The following SH2B3 variants were observed in gnomAD, a reference collection of about 807,000 sequenced individuals.
The protein encoded by SH2B3 is SH2B adaptor protein 3.
Under a neutral mutation model 51.9 loss-of-function variants are expected in SH2B3, and 43 were observed. The ratio of observed to expected loss-of-function variants is 0.83; its 90% CI spans 0.65 to 1.07. SH2B3 has a LOEUF of 1.07. Among genes scored for constraint, SH2B3 ranks in the 50% least tolerant of loss-of-function variants. The pLI is 0.00. For missense variants in SH2B3, 952 were observed against 834.3 expected (o/e 1.14, Z -1.74); for synonymous variants, 396 against 376.0 (o/e 1.05, Z -0.62).
chr12:111,441,462 C>G (rs1306391862), intron 2 of SH2B3, among the ~76,000 whole-genome samples: 1 of 152,030 alleles, frequency 6.6e-6, no homozygotes, highest in African/African-American at 2.4e-5. Context: ...ACTAAGTGTC[C>G]CAAACCTCAG....
At chr12:111,440,910 CCT>C (rs1873346371) in intron 2 of SH2B3, among the ~76,000 whole-genome samples, 3 of 152,182 alleles carry the variant, frequency 2.0e-5, no homozygotes, top group African/African-American at 7.2e-5. Flanking sequence ...TTACCATTCC[CCT>C]GAGATCCTTC....
rs1417198181 is a variant in SH2B3 at position 111,407,579 on chromosome 12, C to A, written c.-28+1302C>A. On this transcript the variant is annotated intron_variant, in intron 1 of 7. Transcript: ENST00000341259. The surrounding 1 kb of genome is among the most constrained non-coding windows in gnomAD (Gnocchi z 4.3). The stretch of plus-strand genomic sequence containing the variant: ...GGAGAGCCGTCAGAGGCCACCTGGG[C>A]AGGCTGGGCTCGGAGGATGAGAGCC... Among the ~76,000 whole-genome samples, 1 of 152,218 alleles carries A rather than the reference C, an allele frequency of 6.6e-6. No homozygotes were observed. Among genetic ancestry groups the A allele is most frequent in the Non-Finnish European group, 1.5e-5 (1 of 68,042 alleles).
rs1378814178 is a variant in SH2B3, at chr12:111,451,039, C to G, written c.*2737C>G. 1.3e-5 allele frequency: 2 copies of G among 152,704 alleles called. No individual in the cohort carries two copies. Among genetic ancestry groups the G allele is most frequent in the Non-Finnish European group, 1.5e-5 (1 of 68,072 alleles). 9.5% of individuals were successfully genotyped at this position (152,704 alleles called of 1,614,324 possible). A position where few individuals can be genotyped will look rare whatever the true frequency, so the allele number is the denominator to read the frequency against. ...CCCCACCAGTACAGCTTGACAGCTC[C>G]CGGCACCATCCCTTCCTTCATCTGA... On this transcript the variant is annotated 3_prime_UTR_variant, in exon 8 of 8. Transcript: ENST00000341259.
intron 1 of SH2B3, among the ~76,000 whole-genome samples, chr12:111,412,156 A>G (rs187496220): frequency 3.7e-4 from 56 of 152,288 alleles, no homozygotes; most frequent in African/African-American, 1.3e-3. Context: ...CCCTGATCCC[A>G]GGGTTGTCAC....
upstream of SH2B3, among the ~76,000 whole-genome samples, chr12:111,404,954 A>C (rs1012090496): frequency 6.6e-6 from 1 of 152,192 alleles, no homozygotes; most frequent in Non-Finnish European, 1.5e-5. Flanking sequence ...GGCCCCTCCA[A>C]GCTGGGGGCG....
chr12:111,447,142 CAG>C lies in SH2B3; in HGVS notation c.948_949del (p.Glu316AspfsTer10). The C allele has an allele frequency of 6.2e-7, 1 of 1,613,948 alleles. No homozygotes were observed. The highest frequency in any genetic ancestry group is 8.5e-7 in the Non-Finnish European group (1 of 1,179,828). ...TCCAGCAGGCTGGAGAGCACAGAAG[CAG>C]AGATGCATATTCCCTCAGCCCTAGA... On this transcript the variant is annotated frameshift_variant, in exon 5 of 8. Coordinates refer to ENST00000341259, the MANE Select transcript of SH2B3 (RefSeq NM_005475.3). LOFTEE classifies it high-confidence loss of function.
rs1312307388 is a variant in SH2B3, at chr12:111,450,385, AGAGT to A, written c.*2084_*2087del. ...TGAATGCTAATTAGTGTGAACCAAA[AGAGT>A]AAGTAAGAGTCTGAAGTTTTTTTAA... On this transcript the variant is annotated 3_prime_UTR_variant, in exon 8 of 8. Transcript: ENST00000341259. 1 of 152,254 alleles carries A rather than the reference AGAGT, an allele frequency of 6.6e-6. No homozygotes were observed. The highest frequency in any genetic ancestry group is 2.4e-5 in the African/African-American group (1 of 41,474). The allele number at this position is 152,254 out of a possible 1,614,324, so 9.4% of individuals were successfully genotyped here.
chr12:111,418,376 C>T lies in SH2B3; in HGVS notation c.231C>T (p.Arg77=), dbSNP rs754581539. The T allele has an allele frequency of 1.1e-5, 17 of 1,515,992 alleles. No homozygotes were observed. The highest frequency in any genetic ancestry group is 1.5e-5 in the Non-Finnish European group (17 of 1,137,856). 93.9% of individuals were successfully genotyped at this position (1,515,992 alleles called of 1,614,324 possible). Residue 77 remains arginine, a synonymous_variant, in exon 2 of 8, where the codon CGC becomes CGT. Transcript: ENST00000341259. This position sits in a 1 kb window ranked among gnomAD's most constrained non-coding sequence, Gnocchi z 6.7. ...ACCTCTTCCAGCGCTACTTCTGCCG[C>T]GAGGTGCGCGACGGACGGGCGCCGG... ...FTDLFQRYFC[R]EVRDGRAPGR...
chr12:111,446,758 A>G lies in SH2B3; in HGVS notation c.738A>G (p.Ser246=), dbSNP rs1307466591. 6.5e-7 allele frequency: 1 copy of G among 1,540,778 alleles called. No homozygotes were observed. Among genetic ancestry groups the G allele is most frequent in the Non-Finnish European group, 8.8e-7 (1 of 1,142,192 alleles). ...VLELFDPPKS[S]RPKLQAACSS... ...ACCCCAACTTGGTCTCGTAGAGTTC[A>G]AGGCCCAAGCTACAAGCAGCTTGCT... The change falls in exon 3 of 8, where the codon TCA becomes TCG. Residue 246 remains serine, a synonymous_variant. Transcript: ENST00000341259.
chr12:111,445,548 G>A (rs1873865018), intron 2 of SH2B3, among the ~76,000 whole-genome samples: 1 of 152,242 alleles, frequency 6.6e-6, no homozygotes, highest in Admixed American at 6.5e-5. Flanking sequence ...TAGTCATGCA[G>A]CTTTCTAGTG....
At chr12:111,433,027 G>A (rs554921189) in intron 2 of SH2B3, among the ~76,000 whole-genome samples, 1 of 152,282 alleles carries the variant, frequency 6.6e-6, no homozygotes, top group South Asian at 2.1e-4. Flanking sequence ...ATCTAGGAGT[G>A]GAATTGCTGG....
chr12:111,415,933 G>T (rs1237270402), intron 1 of SH2B3, among the ~76,000 whole-genome samples: 1 of 150,812 alleles, frequency 6.6e-6, no homozygotes, highest in East Asian at 2.0e-4. Context: ...ATTTATTTAT[G>T]TATTTATTTA....
At chr12:111,440,345 A>G (rs1307319851) in intron 2 of SH2B3, among the ~76,000 whole-genome samples, 1 of 152,200 alleles carries the variant, frequency 6.6e-6, no homozygotes, top group African/African-American at 2.4e-5. Context: ...CTCACTGTCC[A>G]TGATGCCCAG....
At position 111,429,524 on chromosome 12, in the gene SH2B3, C is replaced by T. The variant is rs1020685740; in HGVS notation, c.732+10647C>T. On this transcript the variant is annotated intron_variant, in intron 2 of 7. Transcript: ENST00000341259. The surrounding 1 kb of genome is among the most constrained non-coding windows in gnomAD (Gnocchi z 4.4). ...TTTTTCTGTATTATTAGTAGAGACG[C>T]GGTTTCGCCATGTTGGCCAGGCTGG... Among the ~76,000 whole-genome samples, 8 of 152,094 alleles carry T rather than the reference C, an allele frequency of 5.3e-5. No homozygotes were observed. The highest frequency in any genetic ancestry group is 4.1e-4 in the South Asian group (2 of 4,824).
chr12:111,411,636 T>A (rs1365761683), intron 1 of SH2B3, among the ~76,000 whole-genome samples: 1 of 152,110 alleles, frequency 6.6e-6, no homozygotes, highest in Admixed American at 6.5e-5. Context: ...CTGGCTGTGC[T>A]TCTTGGGGAG....
In SH2B3 at chr12:111,447,713, C is replaced by G. The variant is rs1210799367; in HGVS notation, c.1294C>G (p.Pro432Ala). The change falls in exon 7 of 8, where the codon CCC (proline) becomes GCC (alanine). Residue 432 changes from proline (P) to alanine (A), a missense_variant. Physicochemically the swap from Pro to Ala is conservative, Grantham distance 27 (BLOSUM62 -1). Transcript: ENST00000341259. ...GTGCCGTGTGCAGCACCTCCACTTT[C>G]CCTCGGTCGTGGACATGCTCCACCA... is the stretch of plus-strand genomic sequence containing the variant. ...GQCRVQHLHF[P>A]SVVDMLHHFQ... 5.0e-6 allele frequency: 8 copies of G among 1,613,886 alleles called. No individual in the cohort carries two copies. Among genetic ancestry groups the G allele is most frequent in the African/African-American group, 2.7e-5 (2 of 74,938 alleles).
rs7972796 is a variant in SH2B3 at position 111,418,689 on chromosome 12, T to G, written c.544T>G (p.Phe182Val). The change falls in exon 2 of 8, where the codon TTC becomes GTC. Residue 182 changes from phenylalanine (F) to valine (V), a missense_variant. Transcript: ENST00000341259. The surrounding 1 kb of genome is among the most constrained non-coding windows in gnomAD (Gnocchi z 6.7). ...TPARPGLAKKFLPWSLAREPP... is the reference protein window; with the variant it reads ...TPARPGLAKKVLPWSLAREPP... ...CGCCCGGCCTGGCCTGGCCAAGAAGTTCCTGCCCTGGAGCCTGGCCCGGGA... is the reference window on the plus strand; with the variant it reads ...CGCCCGGCCTGGCCTGGCCAAGAAGGTCCTGCCCTGGAGCCTGGCCCGGGA... 1 of 1,489,082 alleles carries G rather than the reference T, an allele frequency of 6.7e-7. No homozygotes were observed. The highest frequency in any genetic ancestry group is 2.2e-5 in the Admixed American group (1 of 45,280). The allele number at this position is 1,489,082 out of a possible 1,614,324, so 92.2% of individuals were successfully genotyped here.
chr12:111,417,742 C>T (rs997791191), intron 1 of SH2B3, among the ~76,000 whole-genome samples: 1 of 152,108 alleles, frequency 6.6e-6, no homozygotes, highest in African/African-American at 2.4e-5. Context: ...CAGGCCTGAG[C>T]CTCCGACCTC....
chr12:111,407,341 A>T lies in SH2B3; in HGVS notation c.-28+1064A>T, dbSNP rs915408081. ...TGTCGGCAAGGCCAGCTTTGGTGGCAGGAGGGACCGAGATCTGACCCGCAG... is the reference window on the plus strand; with the variant it reads ...TGTCGGCAAGGCCAGCTTTGGTGGCTGGAGGGACCGAGATCTGACCCGCAG... On this transcript the variant is annotated intron_variant, in intron 1 of 7. Transcript: ENST00000341259. The surrounding 1 kb of genome is among the most constrained non-coding windows in gnomAD (Gnocchi z 4.3). 6.6e-6 allele frequency among the ~76,000 whole-genome samples: 1 copy of T among 152,284 alleles called. No homozygotes were observed. The highest frequency in any genetic ancestry group is 6.5e-5 in the Admixed American group (1 of 15,298).
Sources: gnomAD v4.1 joint callset for allele counts (sites outside exome capture counted in the v4.1 genomes callset) on GRCh38, gnomAD v4.1.1 for gene constraint, Gnocchi (gnomAD v3.1) non-coding constraint, MANE v1.5 for transcripts, NCBI Gene and HGNC (gene_info 2026-07-23, HGNC 2026-07-21) for gene names.